PITPNA: variants seen among roughly 807,000 people sequenced by gnomAD.
PITPNA encodes the protein phosphatidylinositol transfer protein alpha isoform.
A neutral mutation model predicts 50.3 loss-of-function variants in PITPNA; 13 were observed. The observed-to-expected ratio is 0.26, with a 90% CI of 0.17 to 0.41. The LOEUF is 0.41. Among genes scored for constraint, PITPNA ranks in the 10% least tolerant of loss-of-function variants. The pLI is 1.00. For synonymous variants in PITPNA, 120 were observed against 119.6 expected (o/e 1.00, Z -0.02); for missense variants, 207 against 333.4 (o/e 0.62, Z 2.95).
chr17:1,535,129 C>G (rs1173542471), intron 9 of PITPNA, 53 bp downstream of exon 9: 14 of 1,111,846 alleles, frequency 1.3e-5, no homozygotes, highest in Non-Finnish European at 1.9e-5. Context: ...CTCCACCACC[C>G]CCCCACAACA....
intron 4 of PITPNA, among the ~76,000 whole-genome samples, chr17:1,545,726 CG>C (rs1224919781): frequency 6.6e-6 from 1 of 152,068 alleles, no homozygotes; most frequent in Non-Finnish European, 1.5e-5. Context: ...CCATGTCAGC[CG>C]CAACACTCTT....
intron 3 of PITPNA, among the ~76,000 whole-genome samples, chr17:1,551,955 G>A (rs940057845): frequency 1.4e-5 from 2 of 140,768 alleles, no homozygotes; most frequent in African/African-American, 5.1e-5. Context: ...CCCCGGTACT[G>A]AGGTCCTGGA....
intron 7 of PITPNA, 175 bp downstream of exon 7, chr17:1,538,694 T>C (rs75856538): frequency 0.017 from 8,746 of 523,422 alleles, 649 homozygotes; most frequent in African/African-American, 0.15. Context: ...AATTTTCTGG[T>C]GGCATCCCCA....
At chr17:1,521,115 G>A (rs2075508846) in intron 11 of PITPNA, among the ~76,000 whole-genome samples, 1 of 152,216 alleles carries the variant, frequency 6.6e-6, no homozygotes, top group South Asian at 2.1e-4. Flanking sequence ...CTTAGTATGG[G>A]ATCGGGGGTA....
chr17:1,534,526 C>A (rs572184556), intron 9 of PITPNA, among the ~76,000 whole-genome samples: 4 of 152,246 alleles, frequency 2.6e-5, no homozygotes, highest in African/African-American at 9.6e-5. Context: ...AGCCAAGGGC[C>A]CCAAACCACT....
At chr17:1,551,617 G>C (rs957548031) in intron 3 of PITPNA, among the ~76,000 whole-genome samples, 2 of 152,186 alleles carry the variant, frequency 1.3e-5, no homozygotes, top group Non-Finnish European at 2.9e-5. Flanking sequence ...TTCATATGTA[G>C]AGACCTCGTC....
intron 3 of PITPNA, among the ~76,000 whole-genome samples, chr17:1,549,203 G>C (rs1044298501): frequency 6.6e-6 from 1 of 150,790 alleles, no homozygotes; most frequent in Non-Finnish European, 1.5e-5. Context: ...ACCGCGCCCG[G>C]TCTCTTCTAC....
At chr17:1,531,787 C>A (rs910686571) in intron 10 of PITPNA, among the ~76,000 whole-genome samples, 4 of 152,042 alleles carry the variant, frequency 2.6e-5, no homozygotes, top group African/African-American at 9.7e-5. Context: ...ACTCATAATC[C>A]TGGGATGCTG....
intron 10 of PITPNA, among the ~76,000 whole-genome samples, chr17:1,531,403 G>A (rs919331302): frequency 2.0e-5 from 3 of 152,110 alleles, no homozygotes; most frequent in African/African-American, 7.2e-5. Context: ...ACAAGCGGGC[G>A]CCTGTAGTCC....
intron 2 of PITPNA, among the ~76,000 whole-genome samples, chr17:1,557,475 C>G (rs2075741090): frequency 6.6e-6 from 1 of 152,158 alleles, no homozygotes; most frequent in African/African-American, 2.4e-5. Context: ...GAACCTCACC[C>G]AAACTCGAGT....
Position 1,521,565 on chromosome 17 carries a change from A to T in PITPNA, c.*22+14T>A. 1 of 1,585,142 alleles carries T rather than the reference A, an allele frequency of 6.3e-7. No individual in the cohort carries two copies. ...AGCGTCTGTGACACGCACAGTGAGA[A>T]ATTTGGTACGTACAGTGCAGAGGGG... On this transcript the variant is annotated intron_variant, in intron 11 of 11. Coordinates refer to ENST00000313486, the MANE Select transcript of PITPNA (RefSeq NM_006224.4).
intron 6 of PITPNA, among the ~76,000 whole-genome samples, chr17:1,540,657 C>G (rs973720564): frequency 2.0e-5 from 3 of 151,270 alleles, no homozygotes; most frequent in African/African-American, 7.3e-5. Context: ...GGCGTGATCT[C>G]GGCTCACTGC....
At chr17:1,557,134 G>C (rs1048926093) in intron 2 of PITPNA, among the ~76,000 whole-genome samples, 1 of 151,922 alleles carries the variant, frequency 6.6e-6, no homozygotes, top group Non-Finnish European at 1.5e-5. Context: ...CCCCAGTCTC[G>C]TTTCTCTTTT....
chr17:1,525,680 G>C (rs1011082306), intron 10 of PITPNA, among the ~76,000 whole-genome samples: 1 of 151,880 alleles, frequency 6.6e-6, no homozygotes. Flanking sequence ...CACCATGCCT[G>C]GCTAATTTTC....
At chr17:1,535,071 A>G in intron 9 of PITPNA, 111 bp downstream of exon 9, 5 of 662,806 alleles carry the variant, frequency 7.5e-6, no homozygotes, top group Non-Finnish European at 1.4e-5. Context: ...ACACACACGC[A>G]GTCACTGGGA....
chr17:1,539,731 C>T (rs924493538), intron 6 of PITPNA, among the ~76,000 whole-genome samples: 4 of 152,240 alleles, frequency 2.6e-5, no homozygotes, highest in Admixed American at 2.0e-4. Context: ...CAACACTGAA[C>T]CCAGCTGGAT....
At chr17:1,550,941 T>G (rs546245210) in intron 3 of PITPNA, among the ~76,000 whole-genome samples, 1 of 152,212 alleles carries the variant, frequency 6.6e-6, no homozygotes, top group South Asian at 2.1e-4. Flanking sequence ...GGAAGGGACA[T>G]GTTGGAGACG....
At chr17:1,540,116 T>G (rs1347234380) in intron 6 of PITPNA, among the ~76,000 whole-genome samples, 1 of 152,228 alleles carries the variant, frequency 6.6e-6, no homozygotes, top group Non-Finnish European at 1.5e-5. Flanking sequence ...CCACACCATT[T>G]CCATGTGTTC....
At chr17:1,522,339 G>A (rs1302938679) in intron 10 of PITPNA, among the ~76,000 whole-genome samples, 2 of 151,524 alleles carry the variant, frequency 1.3e-5, no homozygotes, top group Non-Finnish European at 2.9e-5. Flanking sequence ...CCAAAGTGCT[G>A]GGATTACAGG....
Sources: gnomAD v4.1 joint callset for allele counts (sites outside exome capture counted in the v4.1 genomes callset) on GRCh38, gnomAD v4.1.1 for gene constraint, MANE v1.5 for transcripts, NCBI Gene and HGNC (gene_info 2026-07-23, HGNC 2026-07-21) for gene names.